BPIFB3: variants seen among roughly 807,000 people sequenced by gnomAD.
BPIFB3 encodes BPI fold-containing family B member 3.
A neutral mutation model predicts 53.1 loss-of-function variants in BPIFB3; 49 were observed. The observed-to-expected ratio is 0.92, with a 90% CI of 0.73 to 1.17. The LOEUF (loss-of-function observed/expected upper bound fraction) is 1.17, where lower values mean the gene tolerates loss of function less well. Ranked by LOEUF, BPIFB3 falls within the 50% of genes most tolerant of loss-of-function variation. The pLI is 0.00. For synonymous variants in BPIFB3, 271 were observed against 269.6 expected (o/e 1.01, Z -0.05); for missense variants, 628 against 592.5 (o/e 1.06, Z -0.62).
At chr20:33,071,152 T>C (rs1471013078) in intron 11 of BPIFB3, 101 bp from the exon 13 acceptor site, 1 of 1,220,434 alleles carries the variant, frequency 8.2e-7, no homozygotes, top group Admixed American at 2.2e-5. Flanking sequence ...GGGCTGGTAA[T>C]CCTGTTTCCT....
chr20:33,054,753 G>C (rs1980122414), upstream of BPIFB3, among the ~76,000 whole-genome samples: 1 of 152,172 alleles, frequency 6.6e-6, no homozygotes, highest in African/African-American at 2.4e-5. Context: ...TATGTGATTG[G>C]GTGGGCAAAT....
intron 12 of BPIFB3, among the ~76,000 whole-genome samples, chr20:33,071,580 C>T (rs1026155524): frequency 1.3e-5 from 2 of 152,120 alleles, no homozygotes; most frequent in Non-Finnish European, 1.5e-5. Context: ...ACATCTAGAA[C>T]CTCACAAGGG....
At chr20:33,063,621 C>T (rs1343369060) in exon 6 of BPIFB3, 5 of 1,613,950 alleles carry the variant, frequency 3.1e-6, no homozygotes, top group Middle Eastern at 1.6e-4. Flanking sequence ...ACAGCTGTGC[C>T]CCGTGGTGGA....
exon 12 of BPIFB3, chr20:33,071,277 C>A: frequency 6.4e-7 from 1 of 1,565,324 alleles, no homozygotes; most frequent in East Asian, 2.3e-5. Context: ...TGGCCTCCTC[C>A]TTTACCCATG....
chr20:33,070,376 C>T (rs1028624100), intron 11 of BPIFB3, among the ~76,000 whole-genome samples: 30 of 152,342 alleles, frequency 2.0e-4, no homozygotes, highest in African/African-American at 6.5e-4. Flanking sequence ...GGTAACTAGG[C>T]GTCCATCAAG....
In BPIFB3 at chr20:33,061,913, G is replaced by T. The variant is rs548460001; in HGVS notation, c.591+82G>T. On this transcript the variant is annotated intron_variant, in intron 5 of 14. Transcript: ENST00000375494. Reference sequence around the variant, plus strand: ...CCTCTGGTTTTGGGTGAAGTTTGGCGCCAGGCAGGATTAGGCTGTACTTCC... The same window carrying T: ...CCTCTGGTTTTGGGTGAAGTTTGGCTCCAGGCAGGATTAGGCTGTACTTCC... 6.6e-5 allele frequency: 101 copies of T among 1,520,576 alleles called. 1 individual carries two copies. In the African/African-American group the frequency reaches 1.1e-3, roughly 17 times the overall value. The allele number at this position is 1,520,576 out of a possible 1,614,324, so 94.2% of individuals were successfully genotyped here.
intron 14 of BPIFB3, among the ~76,000 whole-genome samples, chr20:33,073,192 T>A (rs1980976680): frequency 6.6e-6 from 1 of 152,194 alleles, no homozygotes; most frequent in Admixed American, 6.5e-5. Flanking sequence ...ACCCTTTTTC[T>A]TGTGGAATAT....
chr20:33,066,907 T>G lies in BPIFB3; in HGVS notation c.978+30T>G, dbSNP rs113141530. 1.7e-4 allele frequency: 267 copies of G among 1,606,536 alleles called. No homozygotes were observed. The African/African-American group carries it at 3.1e-3, about 19-fold the overall frequency. On this transcript the variant is annotated intron_variant, in intron 9 of 14. Coordinates refer to ENST00000375494, the Ensembl canonical transcript of BPIFB3. ...GTGACGCTCTCATGGGTTTTGATCA[T>G]TGTAGCTCTTTCCTGATGACCATGA... is the stretch of plus-strand genomic sequence containing the variant.
chr20:33,055,549 T>C lies in BPIFB3; in HGVS notation c.124+2T>C, dbSNP rs55823624. The C allele has an allele frequency of 1.8e-3, 2,955 of 1,613,358 alleles. 3 individuals carry two copies. Among genetic ancestry groups the C allele is most frequent in the Non-Finnish European group, 2.2e-3 (2,619 of 1,179,938 alleles). On this transcript the variant is annotated splice_donor_variant, in intron 1 of 14. Transcript: ENST00000375494. LOFTEE classifies it high-confidence loss of function. Reference sequence around the variant, plus strand: ...TTGACAAGGATGAACTCGGCAAAGGTGAGCCCCAGGTGGGCAGTCTGTGAG... The same window carrying C: ...TTGACAAGGATGAACTCGGCAAAGGCGAGCCCCAGGTGGGCAGTCTGTGAG...
chr20:33,072,222 T>A, intron 13 of BPIFB3, 55 bp downstream of exon 14: 1 of 1,560,184 alleles, frequency 6.4e-7, no homozygotes, highest in Non-Finnish European at 8.8e-7. Flanking sequence ...TGGTATTGTC[T>A]AGTCTGTTGC....
intron 1 of BPIFB3, among the ~76,000 whole-genome samples, chr20:33,056,145 C>T (rs1293338234): frequency 2.0e-5 from 3 of 152,206 alleles, no homozygotes; most frequent in Non-Finnish European, 1.5e-5. Context: ...TCTTTGCCCT[C>T]CCTTTCAGTG....
At position 33,069,092 on chromosome 20, in the gene BPIFB3, G is replaced by A. The variant is rs1449768560; in HGVS notation, c.1149+119G>A. On this transcript the variant is annotated intron_variant, in intron 10 of 14. Coordinates refer to ENST00000375494, the Ensembl canonical transcript of BPIFB3. ...CAGGGTGGGAGCCCCACATAGTCCA[G>A]CACAGGAAGCCCCCCGCCCCACAAC... The A allele has an allele frequency of 9.7e-6, 11 of 1,135,112 alleles. No homozygotes were observed. The Admixed American group carries it at 1.3e-4, about 14-fold the overall frequency. 70.3% of individuals were successfully genotyped at this position (1,135,112 alleles called of 1,614,324 possible). A position where few individuals can be genotyped will look rare whatever the true frequency, so the allele number is the denominator to read the frequency against.
rs6141361 is a variant in BPIFB3 at position 33,056,010 on chromosome 20, A to T, written c.124+463A>T. Among the ~76,000 whole-genome samples, 27 of 152,284 alleles carry T rather than the reference A, an allele frequency of 1.8e-4. No homozygotes were observed. The East Asian group carries it at 5.2e-3, about 29-fold the overall frequency. On this transcript the variant is annotated intron_variant, in intron 1 of 14. Coordinates refer to ENST00000375494, the Ensembl canonical transcript of BPIFB3. The stretch of plus-strand genomic sequence containing the variant: ...AGGCCCCCTGGCCTGCCTCTACTCT[A>T]CAGGGCCATTCCTCCATCCTGCCCT...
chr20:33,061,939 C>A, intron 5 of BPIFB3, 108 bp downstream of exon 6: 2 of 1,289,012 alleles, frequency 1.6e-6, no homozygotes, highest in South Asian at 1.3e-5. Context: ...CTGTACTTCC[C>A]TTCCACACCC....
At chr20:33,070,051 G>A (rs936349462) in intron 11 of BPIFB3, 96 bp downstream of exon 12, 6 of 1,393,032 alleles carry the variant, frequency 4.3e-6, no homozygotes, top group African/African-American at 2.8e-5. Flanking sequence ...GAGCATCAGC[G>A]CAATTCCAGG....
chr20:33,063,315 G>A (rs1980528988), intron 5 of BPIFB3, among the ~76,000 whole-genome samples: 2 of 152,132 alleles, frequency 1.3e-5, no homozygotes, highest in Non-Finnish European at 2.9e-5. Flanking sequence ...GGCCTTGTCC[G>A]CATGCCCAAA....
intron 2 of BPIFB3, 34 bp from the exon 4 acceptor site, chr20:33,059,344 G>C: frequency 1.3e-6 from 2 of 1,536,704 alleles, no homozygotes; most frequent in East Asian, 4.6e-5. Context: ...GGATGTCTGG[G>C]AGTGAGCAAC....
intron 8 of BPIFB3, among the ~76,000 whole-genome samples, chr20:33,066,620 G>T (rs776497813): frequency 6.6e-6 from 1 of 152,236 alleles, no homozygotes; most frequent in Non-Finnish European, 1.5e-5. Context: ...GAGCAAAGGC[G>T]TGCAGAGCCC....
chr20:33,060,503 G>C (rs1005726496), intron 4 of BPIFB3, among the ~76,000 whole-genome samples: 1 of 152,136 alleles, frequency 6.6e-6, no homozygotes, highest in Non-Finnish European at 1.5e-5. Flanking sequence ...TGTGACTTCA[G>C]TCTCTTCCCA....
Sources: allele counts gnomAD v4.1 joint callset (sites outside exome capture counted in the v4.1 genomes callset), GRCh38; gene constraint gnomAD v4.1.1; transcripts MANE v1.5; gene names NCBI Gene and HGNC (gene_info 2026-07-23, HGNC 2026-07-21).